MAST4: variants seen among roughly 807,000 people sequenced by gnomAD.
MAST4 encodes microtubule-associated serine/threonine-protein kinase 4.
A neutral mutation model predicts 162.7 loss-of-function variants in MAST4; 89 were observed. The ratio of observed to expected loss-of-function variants is 0.55; its 90% CI spans 0.46 to 0.65. The LOEUF (loss-of-function observed/expected upper bound fraction) is 0.65. MAST4 is among the 30% of genes least tolerant of loss of function. The pLI, the probability that MAST4 is intolerant of heterozygous loss-of-function variation, is 0.00. For synonymous variants in MAST4, 1,479 were observed against 1,361.1 expected (o/e 1.09, Z -1.91); for missense variants, 3,153 against 3,374.0 (o/e 0.93, Z 1.62).
intron 26 of MAST4, among the ~76,000 whole-genome samples, chr5:67,157,483 G>A (rs758056879): frequency 4.6e-5 from 7 of 152,140 alleles, no homozygotes; most frequent in Non-Finnish European, 8.8e-5. Flanking sequence ...ATTTATATGT[G>A]TCTCATACAA....
chr5:66,689,841 G>A (rs968149003), intron 1 of MAST4, among the ~76,000 whole-genome samples: 2 of 152,158 alleles, frequency 1.3e-5, no homozygotes, highest in Non-Finnish European at 2.9e-5. Context: ...TAAGGAGTGC[G>A]AGAAGGTGAT....
At chr5:66,925,350 CAT>C (rs984453376) in intron 4 of MAST4, among the ~76,000 whole-genome samples, 14 of 152,242 alleles carry the variant, frequency 9.2e-5, no homozygotes, top group Admixed American at 8.5e-4. Flanking sequence ...CAAAAGGTAA[CAT>C]TTTTCCTTCA....
At chr5:66,658,186 A>G (rs1746674032) in intron 1 of MAST4, among the ~76,000 whole-genome samples, 1 of 152,228 alleles carries the variant, frequency 6.6e-6, no homozygotes, top group South Asian at 2.1e-4. Context: ...AATACAGGCT[A>G]TATTTTTCTG....
At chr5:66,785,259 G>T (rs1003924142) in intron 2 of MAST4, among the ~76,000 whole-genome samples, 10 of 152,196 alleles carry the variant, frequency 6.6e-5, no homozygotes, top group African/African-American at 2.4e-4. Context: ...AAAAACGCTA[G>T]GTTGCAGACC....
chr5:66,998,998 T>C (rs1750973209), intron 4 of MAST4, among the ~76,000 whole-genome samples: 1 of 152,206 alleles, frequency 6.6e-6, no homozygotes, highest in African/African-American at 2.4e-5. Context: ...GGGTGATGCA[T>C]TGATCTCCAA....
rs769321301 is a variant in MAST4 at position 67,164,689 on chromosome 5, C to T, written c.5510C>T (p.Ala1837Val). Reference sequence around the variant, plus strand: ...CCCAGCCCAAGTGGTGACGTGAGGGCCTCTGTGCCACCAGTTCTCCCCAGC... The same window carrying T: ...CCCAGCCCAAGTGGTGACGTGAGGGTCTCTGTGCCACCAGTTCTCCCCAGC... ...QSPSPSGDVR[A>V]SVPPVLPSSS... Residue 1837 changes from alanine to valine, a missense_variant, in exon 29 of 29, where the codon GCC (alanine) becomes GTC (valine). Around this residue, in one of 7 missense-constraint regions of MAST4, gnomAD observed 1,644 missense variants for 1,495.0 expected, o/e 1.10. Transcript: ENST00000403625. The surrounding 1 kb of genome is among the most constrained non-coding windows in gnomAD (Gnocchi z 5.3). The T allele has an allele frequency of 6.2e-7, 1 of 1,613,962 alleles. No individual in the cohort carries two copies. Among genetic ancestry groups the T allele is most frequent in the Non-Finnish European group, 8.5e-7 (1 of 1,179,892 alleles).
At chr5:66,682,628 G>A (rs1748402927) in intron 1 of MAST4, among the ~76,000 whole-genome samples, 2 of 152,230 alleles carry the variant, frequency 1.3e-5, no homozygotes, top group Admixed American at 6.5e-5. Context: ...AAAGAGTAAG[G>A]AGAGAAGTGA....
intron 1 of MAST4, among the ~76,000 whole-genome samples, chr5:66,618,073 G>A (rs1190283797): frequency 6.6e-6 from 1 of 151,354 alleles, no homozygotes; most frequent in East Asian, 1.9e-4. Context: ...CGTGTTAAAG[G>A]CCTGCCAGGT....
intron 4 of MAST4, among the ~76,000 whole-genome samples, chr5:66,995,335 C>T (rs909745006): frequency 3.9e-5 from 6 of 152,144 alleles, no homozygotes; most frequent in African/African-American, 7.2e-5. Context: ...CTAAAATTCT[C>T]AGGAACTTGA....
Position 66,639,389 on chromosome 5 carries a change from C to T in MAST4, c.363+42371C>T, listed in dbSNP as rs79323225. Among the ~76,000 whole-genome samples the T allele has an allele frequency of 3.0e-3, 447 of 150,494 alleles. 3 individuals carry two copies. Among genetic ancestry groups the T allele is most frequent in the African/African-American group, 0.01 (414 of 40,916 alleles). On this transcript the variant is annotated intron_variant, in intron 1 of 28. Coordinates refer to ENST00000403625, the MANE Select transcript of MAST4 (RefSeq NM_001164664.2). Reference sequence around the variant, plus strand: ...GAAACATAGAAGAGGAAACACACACCGTGTTTTGTACATTTGATTTTTGGA... The same window carrying T: ...GAAACATAGAAGAGGAAACACACACTGTGTTTTGTACATTTGATTTTTGGA...
intron 1 of MAST4, among the ~76,000 whole-genome samples, chr5:66,727,513 A>G (rs1049371957): frequency 6.6e-6 from 1 of 152,014 alleles, no homozygotes; most frequent in Admixed American, 6.6e-5. Flanking sequence ...TGGAGGGGAG[A>G]GAGGAGGAGG....
At chr5:67,022,752 G>A (rs1051909324) in intron 4 of MAST4, among the ~76,000 whole-genome samples, 2 of 152,050 alleles carry the variant, frequency 1.3e-5, no homozygotes, top group Non-Finnish European at 2.9e-5. Context: ...ACATTCCAAG[G>A]TCTGCTTTTA....
intron 4 of MAST4, among the ~76,000 whole-genome samples, chr5:66,995,692 T>C (rs1208069676): frequency 1.3e-5 from 2 of 151,080 alleles, no homozygotes; most frequent in African/African-American, 4.9e-5. Context: ...TGAGCCACCA[T>C]GCCCAGACGA....
intron 5 of MAST4, among the ~76,000 whole-genome samples, chr5:67,071,684 C>T (rs752742758): frequency 2.0e-4 from 31 of 152,226 alleles, no homozygotes; most frequent in Admixed American, 1.7e-3. Flanking sequence ...TGCTTGAACA[C>T]GGGAGGCGAA....
At chr5:66,802,297 A>C (rs924113267) in intron 3 of MAST4, among the ~76,000 whole-genome samples, 2 of 152,194 alleles carry the variant, frequency 1.3e-5, no homozygotes, top group African/African-American at 4.8e-5. Context: ...GGGCATAAAC[A>C]AACTGCTAGA....
chr5:66,689,453 G>A (rs1322059982), intron 1 of MAST4, among the ~76,000 whole-genome samples: 2 of 152,114 alleles, frequency 1.3e-5, no homozygotes, highest in East Asian at 3.9e-4. Flanking sequence ...CCTGTCTGTT[G>A]TTGACTTTTA....
rs752896762 is a variant in MAST4 at position 66,596,624 on chromosome 5, C to T, written c.-32C>T. The T allele has an allele frequency of 2.1e-6, 3 of 1,399,670 alleles. No individual in the cohort carries two copies. The highest frequency in any genetic ancestry group is 2.8e-5 in the East Asian group (1 of 35,900). 86.7% of individuals were successfully genotyped at this position (1,399,670 alleles called of 1,614,324 possible). ...CGCTGAGTGCGCGCCGCGCCCCCGC[C>T]GCTCGGGAGGCACTTTGGGCCAGAC... On this transcript the variant is annotated 5_prime_UTR_variant, in exon 1 of 29. Coordinates refer to ENST00000403625, the MANE Select transcript of MAST4 (RefSeq NM_001164664.2).
intron 3 of MAST4, among the ~76,000 whole-genome samples, chr5:66,896,597 TC>T (rs1406823908): frequency 2.0e-5 from 3 of 152,250 alleles, no homozygotes; most frequent in Non-Finnish European, 4.4e-5. Context: ...AAAGAAGCGT[TC>T]AGAGATTCTC....
chr5:66,820,221 A>G (rs1406268753), intron 3 of MAST4, among the ~76,000 whole-genome samples: 1 of 152,130 alleles, frequency 6.6e-6, no homozygotes, highest in Admixed American at 6.5e-5. Context: ...AAAAAATAAT[A>G]ATTTTCCTTG....
Sources: gnomAD v4.1 joint callset for allele counts (sites outside exome capture counted in the v4.1 genomes callset) on GRCh38, gnomAD v4.1.1 for gene constraint, gnomAD v4.1.1 regional missense constraint, Gnocchi (gnomAD v3.1) non-coding constraint, MANE v1.5 for transcripts, NCBI Gene and HGNC (gene_info 2026-07-23, HGNC 2026-07-21) for gene names.